Variants in LRP1B observed in about 807,000 individuals in gnomAD.
LRP1B encodes low-density lipoprotein receptor-related protein 1B.
LRP1B carries 217 observed loss-of-function variants against 556.6 expected under a neutral mutation model. The ratio of observed to expected loss-of-function variants is 0.39; its 90% CI spans 0.35 to 0.44. The LOEUF is 0.44. Ranked by LOEUF, LRP1B falls within the 20% of genes least tolerant of loss-of-function variation. The probability of loss-of-function intolerance (pLI) is 1.00; values close to 1 mark genes in which losing one functional copy is unlikely to be tolerated. For synonymous variants in LRP1B, 2,047 were observed against 1,865.8 expected (o/e 1.10, Z -2.50); for missense variants, 5,053 against 5,620.8 (o/e 0.90, Z 3.23).
intron 7 of LRP1B, among the ~76,000 whole-genome samples, chr2:141,148,284 C>T (rs1365461859): frequency 6.6e-6 from 1 of 152,248 alleles, no homozygotes; most frequent in African/African-American, 2.4e-5. Flanking sequence ...GATCTTTATG[C>T]CTGAGGTTCC....
At chr2:140,402,599 CAGGAGTGAGTCTGGG>C (rs1390808078) in intron 66 of LRP1B, among the ~76,000 whole-genome samples, 76 of 152,280 alleles carry the variant, frequency 5.0e-4, no homozygotes, top group African/African-American at 1.8e-3. Context: ...AACACTGGGA[CAGGAGTGAGTCTGGG>C]AGGTGGATAG....
At chr2:142,050,197 A>G (rs1011023917) in intron 1 of LRP1B, among the ~76,000 whole-genome samples, 2 of 152,198 alleles carry the variant, frequency 1.3e-5, no homozygotes, top group Non-Finnish European at 2.9e-5. Context: ...AATTTCATAT[A>G]TAGTCATATG....
chr2:141,578,393 T>A (rs1182189922), intron 2 of LRP1B, among the ~76,000 whole-genome samples: 2 of 139,036 alleles, frequency 1.4e-5, no homozygotes, highest in Non-Finnish European at 3.1e-5. Context: ...CGAGAGTCCT[T>A]CTCAAAAAAA....
chr2:140,700,690 C>T (rs2105422612), intron 40 of LRP1B, 69 bp from the exon 41 acceptor site: 3 of 1,489,516 alleles, frequency 2.0e-6, no homozygotes, highest in Non-Finnish European at 9.1e-7. Flanking sequence ...ACAAAATTCT[C>T]CATAAAGAAA....
At chr2:141,398,619 A>C in intron 3 of LRP1B, among the ~76,000 whole-genome samples, 1 of 152,154 alleles carries the variant, frequency 6.6e-6, no homozygotes, top group East Asian at 1.9e-4. Context: ...GAGACTCTGG[A>C]GAGAAAATTA....
At chr2:141,935,065 ATG>A (rs988859114) in intron 1 of LRP1B, among the ~76,000 whole-genome samples, 8 of 124,264 alleles carry the variant, frequency 6.4e-5, no homozygotes, top group African/African-American at 1.9e-4. Flanking sequence ...TCTATAAAAA[ATG>A]ACAGTAAGAC....
chr2:140,924,693 T>C (rs902937301), intron 20 of LRP1B, among the ~76,000 whole-genome samples: 2 of 152,106 alleles, frequency 1.3e-5, no homozygotes, highest in African/African-American at 4.8e-5. Context: ...TGGCTTTCTT[T>C]AAATCCCCTC....
In LRP1B at chr2:140,922,951, C is replaced by A. The variant is rs755047736; in HGVS notation, c.3319+14G>T. Reference sequence around the variant, plus strand: ...AGGGAGACCCAATAGAAGCCAAAAGCAATGTTCACTTACCTGTACTCCAAC... The same window carrying A: ...AGGGAGACCCAATAGAAGCCAAAAGAAATGTTCACTTACCTGTACTCCAAC... On this transcript the variant is annotated intron_variant, in intron 21 of 90. Coordinates refer to ENST00000389484, the MANE Select transcript of LRP1B (RefSeq NM_018557.3). 3.1e-6 allele frequency: 5 copies of A among 1,606,784 alleles called. No homozygotes were observed. Among genetic ancestry groups the A allele is most frequent in the Non-Finnish European group, 4.3e-6 (5 of 1,175,938 alleles).
At chr2:141,900,975 C>T (rs1699601989) in intron 1 of LRP1B, among the ~76,000 whole-genome samples, 1 of 151,894 alleles carries the variant, frequency 6.6e-6, no homozygotes, top group Non-Finnish European at 1.5e-5. Context: ...TTGGCAGCTT[C>T]TTGACTTGGT....
chr2:140,919,566 G>A (rs778549163), intron 21 of LRP1B, among the ~76,000 whole-genome samples: 9 of 151,940 alleles, frequency 5.9e-5, no homozygotes, highest in Non-Finnish European at 1.3e-4. Flanking sequence ...GCTTCATGTG[G>A]GACAGCTTTA....
chr2:140,952,022 C>G lies in LRP1B; in HGVS notation c.2888-82G>C, dbSNP rs562639744. 6.5e-5 allele frequency: 63 copies of G among 965,430 alleles called. No homozygotes were observed. In the East Asian group the frequency reaches 1.4e-3, roughly 21 times the overall value. The allele number at this position is 965,430 out of a possible 1,614,324, so 59.8% of individuals were successfully genotyped here. A position where few individuals can be genotyped will look rare whatever the true frequency, so the allele number is the denominator to read the frequency against. On this transcript the variant is annotated intron_variant, in intron 18 of 90. Transcript: ENST00000389484. ...AATTCGTATCATCTGATAATGTGAT[C>G]AGAACTCCTTCCCTGTTCTCTACAA... is the stretch of plus-strand genomic sequence containing the variant.
chr2:141,336,936 A>G (rs1027113221), intron 3 of LRP1B, among the ~76,000 whole-genome samples: 3 of 152,104 alleles, frequency 2.0e-5, no homozygotes, highest in African/African-American at 7.2e-5. Flanking sequence ...CTATTGGTTT[A>G]TCCATTGAAG....
intron 1 of LRP1B, among the ~76,000 whole-genome samples, chr2:141,974,687 G>A (rs1280552108): frequency 1.3e-5 from 2 of 152,018 alleles, no homozygotes; most frequent in African/African-American, 4.8e-5. Context: ...ACATTATTTG[G>A]TATTTCTGTG....
intron 20 of LRP1B, among the ~76,000 whole-genome samples, chr2:140,947,949 A>T (rs1695590593): frequency 2.6e-5 from 4 of 152,204 alleles, no homozygotes; most frequent in Admixed American, 2.6e-4. Flanking sequence ...TCTACTAGTG[A>T]AAATGAGGTG....
Position 141,587,981 on chromosome 2 carries a change from C to A in LRP1B, c.206-107448G>T, listed in dbSNP as rs535893938. Among the ~76,000 whole-genome samples, 3 of 152,208 alleles carry A rather than the reference C, an allele frequency of 2.0e-5. No homozygotes were observed. The East Asian group carries it at 5.8e-4, about 29-fold the overall frequency. ...TTTATCAGATGTAGAAAATCCAGAT[C>A]GGTCTTCTAAATGCTAATACCTTAT... On this transcript the variant is annotated intron_variant, in intron 2 of 90. Coordinates refer to ENST00000389484, the MANE Select transcript of LRP1B (RefSeq NM_018557.3).
chr2:140,359,742 T>C (rs1199283721), intron 72 of LRP1B, among the ~76,000 whole-genome samples: 1 of 151,690 alleles, frequency 6.6e-6, no homozygotes, highest in Non-Finnish European at 1.5e-5. Flanking sequence ...CTCTATCTAG[T>C]TCAAACATCT....
intron 55 of LRP1B, among the ~76,000 whole-genome samples, chr2:140,499,562 A>G (rs1689092536): frequency 1.3e-5 from 2 of 151,866 alleles, no homozygotes; most frequent in African/African-American, 4.8e-5. Flanking sequence ...ACAAACCTAT[A>G]TGGTACAGGC....
chr2:141,172,352 C>A lies in LRP1B; in HGVS notation c.1013+16069G>T, dbSNP rs571021325. On this transcript the variant is annotated intron_variant, in intron 7 of 90. Transcript: ENST00000389484. ...TATGACAAAGACATAATGCAATGTT[C>A]TTCCCATTTTAAACCTTTAATAAGA... 8.5e-4 allele frequency among the ~76,000 whole-genome samples: 129 copies of A among 152,152 alleles called. 1 individual carries two copies. The highest frequency in any genetic ancestry group is 2.6e-3 in the African/African-American group (110 of 41,524).
chr2:141,672,411 T>C (rs1029329624), intron 2 of LRP1B, among the ~76,000 whole-genome samples: 1 of 152,170 alleles, frequency 6.6e-6, no homozygotes, highest in Non-Finnish European at 1.5e-5. Flanking sequence ...ATGGAGGTAC[T>C]TCTAGTTCAA....
Sources: allele counts gnomAD v4.1 joint callset (sites outside exome capture counted in the v4.1 genomes callset), GRCh38; gene constraint gnomAD v4.1.1; transcripts MANE v1.5; gene names NCBI Gene and HGNC (gene_info 2026-07-23, HGNC 2026-07-21).